Variants in KLHL1 observed in about 807,000 individuals in gnomAD.
KLHL1 encodes kelch like family member 1, also known as kelch-like protein 1.
A neutral mutation model predicts 77.7 loss-of-function variants in KLHL1; 47 were observed. The observed-to-expected ratio is 0.60, with a 90% confidence interval of 0.48 to 0.77. The LOEUF (loss-of-function observed/expected upper bound fraction) is 0.77. KLHL1 is among the 30% of genes least tolerant of loss of function. The pLI is 0.00. For missense variants in KLHL1, 925 were observed against 910.8 expected, an observed-to-expected ratio of 1.02 and a Z score of -0.20; for synonymous variants, 360 against 325.2, an observed-to-expected ratio of 1.11 and a Z score of -1.15.
chr13:69,780,727 T>TAC (rs1566243975), intron 7 of KLHL1, among the ~76,000 whole-genome samples: 992 of 55,440 alleles, frequency 0.018, 30 homozygotes, highest in African/African-American at 0.055. Context: ...TATATATATA[T>TAC]ATATACATAT....
chr13:70,055,064 C>A (rs1024124738), intron 1 of KLHL1, among the ~76,000 whole-genome samples: 8 of 151,834 alleles, frequency 5.3e-5, no homozygotes, highest in Non-Finnish European at 1.0e-4. Flanking sequence ...CAATATTAAA[C>A]AACAAGAAAG....
At chr13:69,873,675 TG>T (rs1162201388) in intron 5 of KLHL1, among the ~76,000 whole-genome samples, 2 of 152,160 alleles carry the variant, frequency 1.3e-5, no homozygotes, top group Non-Finnish European at 2.9e-5. Context: ...GATGGGTTGA[TG>T]GGTGCAGCAA....
intron 5 of KLHL1, among the ~76,000 whole-genome samples, chr13:69,853,571 C>G (rs1444696989): frequency 6.6e-6 from 1 of 151,996 alleles, no homozygotes; most frequent in Non-Finnish European, 1.5e-5. Context: ...ACTTGCATAT[C>G]AGTAGAAAGT....
chr13:69,914,797 G>C (rs1882365885), intron 4 of KLHL1, among the ~76,000 whole-genome samples: 1 of 152,056 alleles, frequency 6.6e-6, no homozygotes, highest in Non-Finnish European at 1.5e-5. Context: ...GGTAAGCATG[G>C]GTCAATCATT....
At chr13:69,948,888 C>T (rs941227744) in intron 3 of KLHL1, among the ~76,000 whole-genome samples, 4 of 151,716 alleles carry the variant, frequency 2.6e-5, no homozygotes, top group Non-Finnish European at 4.4e-5. Context: ...AAATTCACAA[C>T]GTAAATCAAA....
chr13:70,031,800 G>A (rs911705815), intron 1 of KLHL1, among the ~76,000 whole-genome samples: 24 of 152,118 alleles, frequency 1.6e-4, no homozygotes, highest in African/African-American at 5.6e-4. Flanking sequence ...TATTAAACAA[G>A]GAAATGCAAA....
intron 4 of KLHL1, chr13:69,895,006 G>A: frequency 2.0e-6 from 1 of 506,884 alleles, no homozygotes; most frequent in South Asian, 1.4e-5. Context: ...AGACACGGTG[G>A]TATGATTGTC....
chr13:69,873,104 G>A (rs1880644700), intron 5 of KLHL1, among the ~76,000 whole-genome samples: 1 of 151,864 alleles, frequency 6.6e-6, no homozygotes, highest in Non-Finnish European at 1.5e-5. Context: ...AAAATTATAG[G>A]TCCAAATTCC....
chr13:70,001,467 CATATAAAATGGATT>C (rs1477037631), intron 1 of KLHL1, among the ~76,000 whole-genome samples: 2 of 151,110 alleles, frequency 1.3e-5, no homozygotes, highest in Non-Finnish European at 3.0e-5. Context: ...CTAAATCGCA[CATATAAAATGGATT>C]ATATAACTTG....
At chr13:69,888,444 T>C (rs1881298101) in intron 4 of KLHL1, among the ~76,000 whole-genome samples, 1 of 152,138 alleles carries the variant, frequency 6.6e-6, no homozygotes, top group Admixed American at 6.6e-5. Context: ...CATAATCTAA[T>C]GACTGTGGTC....
intron 7 of KLHL1, among the ~76,000 whole-genome samples, chr13:69,758,703 C>A (rs1267855239): frequency 6.6e-6 from 1 of 151,804 alleles, no homozygotes; most frequent in East Asian, 1.9e-4. Context: ...AGAAAAGAAC[C>A]ATCTCGTAAT....
chr13:69,967,016 G>A lies in KLHL1; in HGVS notation c.681-5572C>T, dbSNP rs2501225. On this transcript the variant is annotated intron_variant, in intron 2 of 10. Transcript: ENST00000377844. ...TTTATTTATCCACTCATCAATTGAT[G>A]AACAATTAGGTTGATTCCATATATC... 6.6e-3 allele frequency among the ~76,000 whole-genome samples: 1,002 copies of A among 152,128 alleles called. 15 individuals carry two copies. The highest frequency in any genetic ancestry group is 0.023 in the African/African-American group (956 of 41,524).
chr13:70,068,534 C>T (rs1043861754), intron 1 of KLHL1, among the ~76,000 whole-genome samples: 1 of 152,126 alleles, frequency 6.6e-6, no homozygotes. Context: ...ACAAATGTTA[C>T]CTCAGCTACA....
At chr13:69,980,898 C>A (rs1884686580) in intron 1 of KLHL1, among the ~76,000 whole-genome samples, 1 of 152,078 alleles carries the variant, frequency 6.6e-6, no homozygotes, top group Non-Finnish European at 1.5e-5. Flanking sequence ...TATTCTATGA[C>A]AAGATGGTTT....
chr13:69,769,951 A>G (rs577188421), intron 7 of KLHL1, among the ~76,000 whole-genome samples: 1 of 152,220 alleles, frequency 6.6e-6, no homozygotes, highest in East Asian at 1.9e-4. Context: ...TTGCCAGACT[A>G]TGGGAGTGAA....
At chr13:69,784,015 C>T (rs1200206094) in intron 7 of KLHL1, among the ~76,000 whole-genome samples, 3 of 152,140 alleles carry the variant, frequency 2.0e-5, no homozygotes, top group Non-Finnish European at 2.9e-5. Context: ...CCAGAAGAGA[C>T]TGGGGGCCAA....
At chr13:70,023,795 T>C (rs1452504012) in intron 1 of KLHL1, among the ~76,000 whole-genome samples, 3 of 151,890 alleles carry the variant, frequency 2.0e-5, no homozygotes, top group African/African-American at 7.2e-5. Flanking sequence ...ATATTGCCAG[T>C]AAATGGTTCT....
At chr13:70,106,874 T>C (rs1485852872) in intron 1 of KLHL1, among the ~76,000 whole-genome samples, 1 of 152,208 alleles carries the variant, frequency 6.6e-6, no homozygotes, top group Non-Finnish European at 1.5e-5. Context: ...ACGACTGATA[T>C]AATTTAATGA....
chr13:69,831,309 C>T (rs1878752262), intron 6 of KLHL1, among the ~76,000 whole-genome samples: 1 of 149,900 alleles, frequency 6.7e-6, no homozygotes, highest in African/African-American at 2.5e-5. Context: ...GACAGGACTA[C>T]TATGATCACC....
Sources: gnomAD v4.1 joint callset for allele counts (sites outside exome capture counted in the v4.1 genomes callset) on GRCh38, gnomAD v4.1.1 for gene constraint, MANE v1.5 for transcripts, NCBI Gene and HGNC (gene_info 2026-07-23, HGNC 2026-07-21) for gene names.